Variants in MAGI2 observed in about 807,000 individuals in gnomAD.
MAGI2 encodes the protein membrane-associated guanylate kinase, WW and PDZ domain-containing protein 2.
Under a neutral mutation model 133.3 loss-of-function variants are expected in MAGI2, and 35 were observed. The observed-to-expected ratio is 0.26, with a 90% CI of 0.20 to 0.35. The LOEUF is 0.35. MAGI2 is among the 10% of genes least tolerant of loss of function. The pLI is 1.00. For synonymous variants in MAGI2, 729 were observed against 710.6 expected, an observed-to-expected ratio of 1.03 and a Z score of -0.41; for missense variants, 1,636 against 1,863.4, an observed-to-expected ratio of 0.88 and a Z score of 2.25.
intron 2 of MAGI2, among the ~76,000 whole-genome samples, chr7:78,901,769 A>G (rs189456818): frequency 4.6e-5 from 7 of 152,300 alleles, no homozygotes; most frequent in African/African-American, 1.7e-4. Flanking sequence ...AAGGAAAAAG[A>G]ATTCTTTTGA....
chr7:79,399,378 G>C (rs1270798451), intron 1 of MAGI2, among the ~76,000 whole-genome samples: 1 of 151,968 alleles, frequency 6.6e-6, no homozygotes, highest in Non-Finnish European at 1.5e-5. Flanking sequence ...ACAGGCGTGA[G>C]CCACTGTGCC....
intron 10 of MAGI2, among the ~76,000 whole-genome samples, chr7:78,207,923 T>G (rs889216789): frequency 3.3e-5 from 5 of 152,178 alleles, no homozygotes; most frequent in Admixed American, 6.5e-5. Context: ...TGTCACTCAG[T>G]GCAGTGGCCT....
chr7:78,273,652 C>T (rs1032690711), intron 9 of MAGI2, among the ~76,000 whole-genome samples: 2 of 151,752 alleles, frequency 1.3e-5, no homozygotes, highest in African/African-American at 4.8e-5. Flanking sequence ...TCTTTTTTCC[C>T]TAATCTTCTC....
chr7:79,173,158 A>G (rs1412639579), intron 1 of MAGI2, among the ~76,000 whole-genome samples: 1 of 152,054 alleles, frequency 6.6e-6, no homozygotes, highest in Admixed American at 6.6e-5. Flanking sequence ...CATTTTATTC[A>G]TAATAGCAAC....
chr7:78,546,092 A>G (rs77091871), intron 3 of MAGI2, among the ~76,000 whole-genome samples: 1,654 of 152,326 alleles, frequency 0.011, 17 homozygotes, highest in South Asian at 0.041. Context: ...CAAGTCAGCT[A>G]TATGTGTCAG....
chr7:78,242,966 A>G (rs1363384400), intron 10 of MAGI2, among the ~76,000 whole-genome samples: 3 of 151,964 alleles, frequency 2.0e-5, no homozygotes, highest in South Asian at 2.1e-4. Flanking sequence ...CAGCTACTTG[A>G]AAGGCTGAGG....
chr7:78,773,655 G>A (rs1825761273), intron 2 of MAGI2, among the ~76,000 whole-genome samples: 1 of 152,142 alleles, frequency 6.6e-6, no homozygotes, highest in African/African-American at 2.4e-5. Context: ...CTTAAGGCGA[G>A]GCAGGACAGT....
intron 16 of MAGI2, among the ~76,000 whole-genome samples, chr7:78,141,536 C>G (rs1477222330): frequency 1.3e-5 from 2 of 151,730 alleles, no homozygotes; most frequent in East Asian, 3.9e-4. Context: ...TTTTTGGTGG[C>G]AAAATTAAGA....
chr7:78,453,901 T>C (rs1789013810), intron 6 of MAGI2, among the ~76,000 whole-genome samples: 1 of 152,158 alleles, frequency 6.6e-6, no homozygotes. Context: ...TTTTTTTCCG[T>C]TTTTATTGGT....
intron 2 of MAGI2, among the ~76,000 whole-genome samples, chr7:79,000,771 AGT>A (rs1174445472): frequency 1.3e-5 from 2 of 152,164 alleles, no homozygotes; most frequent in Non-Finnish European, 2.9e-5. Context: ...GCTTCTTTTT[AGT>A]GTGTTTTAGT....
chr7:78,580,771 C>T (rs1802752530), intron 3 of MAGI2, among the ~76,000 whole-genome samples: 1 of 152,106 alleles, frequency 6.6e-6, no homozygotes, highest in African/African-American at 2.4e-5. Flanking sequence ...TTCTATCCAA[C>T]ATTTGATGAG....
chr7:78,593,726 A>G (rs1804293863), intron 3 of MAGI2, among the ~76,000 whole-genome samples: 2 of 152,218 alleles, frequency 1.3e-5, no homozygotes, highest in Admixed American at 1.3e-4. Context: ...TGAAAGCAAA[A>G]GATACTTGCG....
rs555192252 is a variant in MAGI2 at position 78,189,307 on chromosome 7, C to T, written c.2270-3637G>A. Among the ~76,000 whole-genome samples, 3 of 152,264 alleles carry T rather than the reference C, an allele frequency of 2.0e-5. No individual in the cohort carries two copies. In the East Asian group the frequency reaches 5.8e-4, roughly 29 times the overall value. On this transcript the variant is annotated intron_variant, in intron 12 of 21. Coordinates refer to ENST00000354212, the MANE Select transcript of MAGI2 (RefSeq NM_012301.4). ...TGATAATTTCATTTCATATATAGTA[C>T]TAAAAAACAGTTTGCTTCTCCATTA...
chr7:78,308,679 T>C (rs533975873), intron 9 of MAGI2, among the ~76,000 whole-genome samples: 1 of 152,240 alleles, frequency 6.6e-6, no homozygotes, highest in South Asian at 2.1e-4. Context: ...TCCACGAGAA[T>C]CTCAGAGACA....
chr7:78,083,760 T>A (rs1198589079), intron 20 of MAGI2, among the ~76,000 whole-genome samples: 2 of 152,190 alleles, frequency 1.3e-5, no homozygotes, highest in Non-Finnish European at 2.9e-5. Flanking sequence ...AAACACCAAA[T>A]CTTTGAACTT....
chr7:79,255,534 G>T (rs1833621087), intron 1 of MAGI2, among the ~76,000 whole-genome samples: 1 of 152,162 alleles, frequency 6.6e-6, no homozygotes, highest in African/African-American at 2.4e-5. Flanking sequence ...ATGATTTAGA[G>T]AAAGAAACTT....
At chr7:78,189,484 A>C (rs1191054386) in intron 12 of MAGI2, among the ~76,000 whole-genome samples, 1 of 152,222 alleles carries the variant, frequency 6.6e-6, no homozygotes, top group Non-Finnish European at 1.5e-5. Flanking sequence ...TTATACCATA[A>C]GGCACATTAC....
At chr7:78,107,662 C>G (rs1818833157) in intron 20 of MAGI2, among the ~76,000 whole-genome samples, 1 of 151,844 alleles carries the variant, frequency 6.6e-6, no homozygotes, top group South Asian at 2.1e-4. Flanking sequence ...TTAGCAGCCT[C>G]AATCTCATTA....
intron 13 of MAGI2, among the ~76,000 whole-genome samples, chr7:78,179,248 C>T (rs142169070): frequency 2.0e-5 from 3 of 152,304 alleles, no homozygotes; most frequent in African/African-American, 7.2e-5. Flanking sequence ...CTTGCTTAAA[C>T]AGGATAGTTG....
Sources: gnomAD v4.1 joint callset for allele counts (sites outside exome capture counted in the v4.1 genomes callset) on GRCh38, gnomAD v4.1.1 for gene constraint, MANE v1.5 for transcripts, NCBI Gene and HGNC (gene_info 2026-07-23, HGNC 2026-07-21) for gene names.